ESD: variants seen among roughly 807,000 people sequenced by gnomAD.
ESD encodes the protein esterase D.
Under a neutral mutation model 38.1 loss-of-function variants are expected in ESD, and 34 were observed. The observed-to-expected ratio is 0.89, with a 90% confidence interval of 0.68 to 1.19. The LOEUF (loss-of-function observed/expected upper bound fraction) is 1.19. Ranked by LOEUF, ESD falls within the 50% of genes most tolerant of loss-of-function variation. ESD has a pLI of 0.00. For synonymous variants in ESD, 97 were observed against 107.0 expected (o/e 0.91, Z 0.58); for missense variants, 334 against 327.2 (o/e 1.02, Z -0.16).
chr13:46,791,856 T>A (rs1875413917), intron 2 of ESD, among the ~76,000 whole-genome samples: 1 of 152,034 alleles, frequency 6.6e-6, no homozygotes, highest in Admixed American at 6.6e-5. Flanking sequence ...GATGTGATAA[T>A]GATTTTGGTA....
chr13:46,783,213 C>A (rs1875072426), intron 5 of ESD, among the ~76,000 whole-genome samples: 2 of 151,932 alleles, frequency 1.3e-5, no homozygotes, highest in Admixed American at 1.3e-4. Flanking sequence ...TTTTTAAATT[C>A]TCTTTACACA....
chr13:46,778,934 T>C lies in ESD; in HGVS notation c.600+1001A>G, dbSNP rs557593727. Reference sequence around the variant, plus strand: ...TCCTTACATAAAATAGGGGTTCATGTAGGAATGAACCCTGAACACAGAACT... The same window carrying C: ...TCCTTACATAAAATAGGGGTTCATGCAGGAATGAACCCTGAACACAGAACT... On this transcript the variant is annotated intron_variant, in intron 8 of 9. Transcript: ENST00000378720. Among the ~76,000 whole-genome samples the C allele has an allele frequency of 2.6e-5, 4 of 151,934 alleles. 1 individual carries two copies. In the East Asian group the frequency reaches 7.7e-4, roughly 29 times the overall value.
intron 3 of ESD, among the ~76,000 whole-genome samples, chr13:46,789,781 T>G (rs1875324992): frequency 6.6e-6 from 1 of 151,898 alleles, no homozygotes; most frequent in African/African-American, 2.4e-5. Context: ...CTACCAAAAT[T>G]TAAATGTCTA....
At chr13:46,779,825 C>A (rs1874937089) in intron 8 of ESD, 110 bp downstream of exon 8, 2 of 472,342 alleles carry the variant, frequency 4.2e-6, no homozygotes, top group East Asian at 9.8e-5. Flanking sequence ...GCTAATTTGT[C>A]TCAGCTCTAG....
Position 46,771,310 on chromosome 13 carries a change from G to C in ESD, c.*106C>G. 1 of 684,862 alleles carries C rather than the reference G, an allele frequency of 1.5e-6. No homozygotes were observed. The highest frequency in any genetic ancestry group is 2.5e-6 in the Non-Finnish European group (1 of 402,282). The allele number at this position is 684,862 out of a possible 1,614,324, so 42.4% of individuals were successfully genotyped here. Reference sequence around the variant, plus strand: ...TCAACTATAGAATAAAGCCCTTTTAGCACTATAAAATCCAATGTTTTGAAT... The same window carrying C: ...TCAACTATAGAATAAAGCCCTTTTACCACTATAAAATCCAATGTTTTGAAT... On this transcript the variant is annotated 3_prime_UTR_variant, in exon 10 of 10. Coordinates refer to ENST00000378720, the MANE Select transcript of ESD (RefSeq NM_001984.2).
At chr13:46,779,456 A>C (rs1393172945) in intron 8 of ESD, among the ~76,000 whole-genome samples, 1 of 151,466 alleles carries the variant, frequency 6.6e-6, no homozygotes, top group Non-Finnish European at 1.5e-5. Flanking sequence ...CATGACGCTT[A>C]AAGGTAATGC....
Position 46,771,324 on chromosome 13 carries a change from AAT to A in ESD, c.*90_*91del, listed in dbSNP as rs1314377579. 2 of 811,736 alleles carry A rather than the reference AAT, an allele frequency of 2.5e-6. No individual in the cohort carries two copies. Among genetic ancestry groups the A allele is most frequent in the Non-Finnish European group, 4.0e-6 (2 of 504,096 alleles). The allele number at this position is 811,736 out of a possible 1,614,324, so 50.3% of individuals were successfully genotyped here. A position where few individuals can be genotyped will look rare whatever the true frequency, so the allele number is the denominator to read the frequency against. ...AAGCCCTTTTAGCACTATAAAATCC[AAT>A]GTTTTGAATTTTTTTTTTTTTTGCT... is the stretch of plus-strand genomic sequence containing the variant. On this transcript the variant is annotated 3_prime_UTR_variant, in exon 10 of 10. Coordinates refer to ENST00000378720, the MANE Select transcript of ESD (RefSeq NM_001984.2).
At chr13:46,781,415 T>C in intron 7 of ESD, 81 bp downstream of exon 7, 4 of 1,316,894 alleles carry the variant, frequency 3.0e-6, no homozygotes, top group South Asian at 1.4e-5. Flanking sequence ...ACTAACAATA[T>C]TGTAATTTTA....
chr13:46,794,136 A>C (rs1203172293), intron 1 of ESD, among the ~76,000 whole-genome samples: 1 of 142,200 alleles, frequency 7.0e-6, no homozygotes, highest in Non-Finnish European at 1.5e-5. Flanking sequence ...AAACCAAACA[A>C]CACCCTTCCT....
intron 9 of ESD, 108 bp downstream of exon 9, chr13:46,777,348 A>G: frequency 1.2e-6 from 1 of 835,730 alleles, no homozygotes; most frequent in Non-Finnish European, 1.7e-6. Flanking sequence ...TTAAAAACTT[A>G]CTAGAAGTAG....
intron 1 of ESD, among the ~76,000 whole-genome samples, chr13:46,794,891 T>C (rs549391103): frequency 6.6e-6 from 1 of 152,270 alleles, no homozygotes; most frequent in South Asian, 2.1e-4. Flanking sequence ...CTAAACCTCA[T>C]TCCCTAAATT....
Sources: gnomAD v4.1 joint callset for allele counts (sites outside exome capture counted in the v4.1 genomes callset) on GRCh38, gnomAD v4.1.1 for gene constraint, MANE v1.5 for transcripts, NCBI Gene and HGNC (gene_info 2026-07-23, HGNC 2026-07-21) for gene names.